The following TDRD7 variants were observed in gnomAD, a reference collection of about 807,000 sequenced individuals.
TDRD7 encodes tudor domain containing 7.
Under a neutral mutation model 109.8 loss-of-function variants are expected in TDRD7, and 47 were observed. The observed-to-expected ratio is 0.43, with a 90% CI of 0.34 to 0.55. The LOEUF (loss-of-function observed/expected upper bound fraction) is 0.55, where lower values mean the gene tolerates loss of function less well. Ranked by LOEUF, TDRD7 falls within the 20% of genes least tolerant of loss-of-function variation. The pLI, the probability that TDRD7 is intolerant of heterozygous loss-of-function variation, is 0.03. For synonymous variants in TDRD7, 424 were observed against 457.3 expected (o/e 0.93, Z 0.93); for missense variants, 1,164 against 1,319.2 (o/e 0.88, Z 1.82).
intron 1 of TDRD7, among the ~76,000 whole-genome samples, chr9:97,419,905 C>T (rs181225115): frequency 5.9e-5 from 9 of 152,202 alleles, no homozygotes; most frequent in South Asian, 2.1e-4. Flanking sequence ...ATCTACATCC[C>T]GCGATATCTT....
rs754373920 is a variant in TDRD7 at position 97,482,964 on chromosome 9, A to G, written c.2528A>G (p.Lys843Arg). The change falls in exon 15 of 17, where the codon AAG (lysine) becomes AGG (arginine). Residue 843 changes from lysine (K) to arginine (R), a missense_variant. Coordinates refer to ENST00000355295, the MANE Select transcript of TDRD7 (RefSeq NM_014290.3). ...CAGATTACAAATGCAGACTTGTGGA[A>G]GCATCAGAAGGATGTGTTTTTGAGT... is the stretch of plus-strand genomic sequence containing the variant. ...NRQITNADLWKHQKDVFLSAI... is the reference protein window; with the variant it reads ...NRQITNADLWRHQKDVFLSAI... 2 of 1,614,234 alleles carry G rather than the reference A, an allele frequency of 1.2e-6. No individual in the cohort carries two copies. The highest frequency in any genetic ancestry group is 1.7e-6 in the Non-Finnish European group (2 of 1,180,036).
chr9:97,431,189 A>T, intron 3 of TDRD7, 115 bp downstream of exon 3: 2 of 1,459,586 alleles, frequency 1.4e-6, no homozygotes, highest in South Asian at 1.2e-5. Context: ...TAACATACAT[A>T]TGTCAGGGGA....
intron 9 of TDRD7, 79 bp from the exon 10 acceptor site, chr9:97,472,214 A>G (rs75871741): frequency 2.3e-6 from 3 of 1,312,470 alleles, no homozygotes; most frequent in East Asian, 2.3e-5. Context: ...AATAATGGTC[A>G]AAACAGACAC....
At chr9:97,439,101 A>AT in intron 4 of TDRD7, 144 bp from the exon 5 acceptor site, 1 of 503,528 alleles carries the variant, frequency 2.0e-6, no homozygotes, top group African/African-American at 2.0e-5. Flanking sequence ...TTTTATTTTT[A>AT]TTTTTTCTGA....
chr9:97,483,227 C>G lies in TDRD7; in HGVS notation c.2791C>G (p.Pro931Ala), dbSNP rs146083361. 1 of 1,613,350 alleles carries G rather than the reference C, an allele frequency of 6.2e-7. No homozygotes were observed. The highest frequency in any genetic ancestry group is 8.5e-7 in the Non-Finnish European group (1 of 1,179,488). The change falls in exon 15 of 17, where the codon CCT becomes GCT. Residue 931 changes from proline (P) to alanine (A), a missense_variant. Coordinates refer to ENST00000355295, the MANE Select transcript of TDRD7 (RefSeq NM_014290.3). ...TCACCCAGGCTACTTCGTCATCCAG[C>G]CTTGGCAGGAGATACATAAGTTGGA... is the stretch of plus-strand genomic sequence containing the variant. ...ACHPGYFVIQ[P>A]WQEIHKLEVL...
rs143376981 is a variant in TDRD7, at chr9:97,451,920, T to G, written c.856-8258T>G. On this transcript the variant is annotated intron_variant, in intron 6 of 16. Coordinates refer to ENST00000355295, the MANE Select transcript of TDRD7 (RefSeq NM_014290.3). ...TCACACAAGTCTTCTGTGTTGATGATTGTTGTTGAATGAGAAAATAGGAAA... is the reference window on the plus strand; with the variant it reads ...TCACACAAGTCTTCTGTGTTGATGAGTGTTGTTGAATGAGAAAATAGGAAA... 1.4e-3 allele frequency among the ~76,000 whole-genome samples: 214 copies of G among 152,372 alleles called. 1 individual carries two copies. Among genetic ancestry groups the G allele is most frequent in the African/African-American group, 4.7e-3 (197 of 41,598 alleles).
At position 97,412,681 on chromosome 9, in the gene TDRD7, C is replaced by G. The variant is rs1275620456; in HGVS notation, c.-7+443C>G. Among the ~76,000 whole-genome samples, 1 of 152,212 alleles carries G rather than the reference C, an allele frequency of 6.6e-6. No individual in the cohort carries two copies. Among genetic ancestry groups the G allele is most frequent in the African/African-American group, 2.4e-5 (1 of 41,454 alleles). ...ATGTCCGCGCTCCCCTATTTGAACC[C>G]AAGTATTTTACACCACGAACTTCTC... is the stretch of plus-strand genomic sequence containing the variant. On this transcript the variant is annotated intron_variant, in intron 1 of 16. Transcript: ENST00000355295. This position sits in a 1 kb window ranked among gnomAD's most constrained non-coding sequence, Gnocchi z 4.3.
chr9:97,458,327 T>C (rs911507193), intron 6 of TDRD7, among the ~76,000 whole-genome samples: 5 of 152,212 alleles, frequency 3.3e-5, no homozygotes, highest in African/African-American at 1.2e-4. Context: ...TCCTTATCCA[T>C]TGGCTCCGAA....
chr9:97,483,427 CG>C (rs899663759), intron 15 of TDRD7, 76 bp downstream of exon 15: 4 of 1,560,454 alleles, frequency 2.6e-6, no homozygotes, highest in Non-Finnish European at 3.5e-6. Flanking sequence ...TTAATCTTGG[CG>C]GGGGGACTTC....
chr9:97,472,385 G>A lies in TDRD7; in HGVS notation c.1834G>A (p.Ala612Thr), dbSNP rs1369967844. ...CTTTGCAGTGGAAATACTTGACAAAGCTGACATTCCACTTGTTGTTCTGTA... is the reference window on the plus strand; with the variant it reads ...CTTTGCAGTGGAAATACTTGACAAAACTGACATTCCACTTGTTGTTCTGTA... ...KIFAVEILDK[A>T]DIPLVVLYDT... The change falls in exon 10 of 17, where the codon GCT becomes ACT. Residue 612 changes from alanine to threonine, a missense_variant. Ala to Thr is a moderately conservative substitution (Grantham distance 58). Around this residue, in one of 5 missense-constraint regions of TDRD7, gnomAD observed 261 missense variants for 336.2 expected, o/e 0.78. Coordinates refer to ENST00000355295, the MANE Select transcript of TDRD7 (RefSeq NM_014290.3). The A allele has an allele frequency of 1.2e-6, 2 of 1,613,862 alleles. No homozygotes were observed. The highest frequency in any genetic ancestry group is 1.7e-5 in the Admixed American group (1 of 59,998).
intron 4 of TDRD7, among the ~76,000 whole-genome samples, chr9:97,437,789 G>A (rs893173893): frequency 2.0e-5 from 3 of 152,178 alleles, no homozygotes; most frequent in Non-Finnish European, 4.4e-5. Flanking sequence ...TTTAGATTTG[G>A]AAGGTTTTTT....
At chr9:97,426,045 A>G (rs544660237) in intron 1 of TDRD7, among the ~76,000 whole-genome samples, 151 of 152,318 alleles carry the variant, frequency 9.9e-4, no homozygotes, top group African/African-American at 3.4e-3. Flanking sequence ...AAGATACAGT[A>G]AAAATATGGT....
Position 97,432,020 on chromosome 9 carries a change from C to T in TDRD7, c.350-5C>T. 1 of 1,613,580 alleles carries T rather than the reference C, an allele frequency of 6.2e-7. No individual in the cohort carries two copies. ...TGATTTCGTTATGTATGCCTAACTT[C>T]ATAGGAAAACCAAAAGCAACCCTCA... is the stretch of plus-strand genomic sequence containing the variant. On this transcript the variant is annotated splice_region_variant and splice_polypyrimidine_tract_variant and intron_variant, in intron 3 of 16. Coordinates refer to ENST00000355295, the MANE Select transcript of TDRD7 (RefSeq NM_014290.3).
chr9:97,478,751 C>A, intron 13 of TDRD7, 178 bp downstream of exon 13: 1 of 797,966 alleles, frequency 1.3e-6, no homozygotes. Context: ...ACAAGAAGAC[C>A]AGTCATATTT....
chr9:97,492,785 A>G (rs1829329923), intron 16 of TDRD7, among the ~76,000 whole-genome samples: 1 of 152,192 alleles, frequency 6.6e-6, no homozygotes, highest in Non-Finnish European at 1.5e-5. Context: ...TGGGTATCAC[A>G]TTATCCATTT....
intron 7 of TDRD7, among the ~76,000 whole-genome samples, chr9:97,461,799 A>G (rs1287731115): frequency 2.0e-5 from 3 of 152,224 alleles, no homozygotes; most frequent in East Asian, 3.8e-4. Context: ...CTTCAACCAA[A>G]TGGTCCTTTG....
intron 4 of TDRD7, among the ~76,000 whole-genome samples, chr9:97,434,265 A>G (rs376224806): frequency 1.2e-4 from 18 of 152,334 alleles, no homozygotes; most frequent in South Asian, 6.2e-4. Flanking sequence ...AGCTGGGCAT[A>G]GAAAGAAACA....
chr9:97,422,264 A>C (rs1381237478), intron 1 of TDRD7, among the ~76,000 whole-genome samples: 1 of 152,118 alleles, frequency 6.6e-6, no homozygotes, highest in Non-Finnish European at 1.5e-5. Context: ...GCATGGTGGC[A>C]CATGCCTGTA....
intron 1 of TDRD7, among the ~76,000 whole-genome samples, chr9:97,413,066 C>A (rs75605969): frequency 0.03 from 4,591 of 152,246 alleles, 159 homozygotes; most frequent in East Asian, 0.11. Flanking sequence ...GAATTCTGAT[C>A]ACCGCCCATC....
Sources: allele counts gnomAD v4.1 joint callset (sites outside exome capture counted in the v4.1 genomes callset), GRCh38; gene constraint gnomAD v4.1.1; regional missense constraint gnomAD v4.1.1; non-coding constraint Gnocchi (gnomAD v3.1); transcripts MANE v1.5; gene names NCBI Gene and HGNC (gene_info 2026-07-23, HGNC 2026-07-21).